Variants in SPPL3 observed in about 807,000 individuals in gnomAD.
The protein encoded by SPPL3 is signal peptide peptidase-like 3.
A neutral mutation model predicts 42.4 loss-of-function variants in SPPL3; 5 were observed. That is an observed-to-expected ratio of 0.12 (90% confidence interval 0.06 to 0.25). SPPL3 has a LOEUF of 0.25. SPPL3 is among the 10% of genes least tolerant of loss of function. SPPL3 has a pLI of 1.00. For missense variants in SPPL3, 235 were observed against 489.0 expected (o/e 0.48, Z 4.90); for synonymous variants, 195 against 181.8 (o/e 1.07, Z -0.58).
intron 1 of SPPL3, among the ~76,000 whole-genome samples, chr12:120,849,957 T>C (rs565341191): frequency 1.6e-4 from 25 of 152,014 alleles, no homozygotes; most frequent in Admixed American, 7.2e-4. Flanking sequence ...CCTAACAGAG[T>C]GTGTAGATAC....
chr12:120,888,682 G>A (rs1873540316), intron 1 of SPPL3, among the ~76,000 whole-genome samples: 1 of 152,192 alleles, frequency 6.6e-6, no homozygotes, highest in African/African-American at 2.4e-5. Context: ...AATATGTACA[G>A]TTTCTTTTGG....
intron 2 of SPPL3, among the ~76,000 whole-genome samples, chr12:120,797,083 C>G (rs1350013952): frequency 6.6e-6 from 1 of 152,140 alleles, no homozygotes; most frequent in East Asian, 1.9e-4. Flanking sequence ...GGCAGAATTT[C>G]TTGAACCCGG....
At chr12:120,811,036 A>C in intron 1 of SPPL3, 150 bp from the exon 2 acceptor site, 1 of 512,054 alleles carries the variant, frequency 2.0e-6, no homozygotes, top group Non-Finnish European at 3.4e-6. Flanking sequence ...AAATAACACA[A>C]TTAAAATGAG....
intron 3 of SPPL3, among the ~76,000 whole-genome samples, chr12:120,789,000 C>T (rs529817830): frequency 1.3e-5 from 2 of 152,262 alleles, no homozygotes; most frequent in South Asian, 4.2e-4. Flanking sequence ...TACTGGTCGG[C>T]CGTCTTTGTA....
chr12:120,782,961 G>A (rs1485827193), intron 5 of SPPL3, among the ~76,000 whole-genome samples, 194 bp from the exon 6 acceptor site: 1 of 152,194 alleles, frequency 6.6e-6, no homozygotes. Context: ...AACTGATAAT[G>A]TCTTTTTGGG....
At chr12:120,853,139 C>T (rs988842468) in intron 1 of SPPL3, among the ~76,000 whole-genome samples, 2 of 151,764 alleles carry the variant, frequency 1.3e-5, no homozygotes, top group African/African-American at 2.4e-5. Flanking sequence ...TCAGGTGATC[C>T]GCCCGCCTCA....
intron 2 of SPPL3, among the ~76,000 whole-genome samples, chr12:120,793,208 A>G (rs1025707163): frequency 6.6e-6 from 1 of 152,212 alleles, no homozygotes; most frequent in African/African-American, 2.4e-5. Context: ...GGGAAATACA[A>G]GTCAAAACCA....
At chr12:120,841,391 TTTTC>T in intron 1 of SPPL3, among the ~76,000 whole-genome samples, 1 of 151,618 alleles carries the variant, frequency 6.6e-6, no homozygotes, top group South Asian at 2.1e-4. Flanking sequence ...TATTCATCAG[TTTTC>T]TTTGCTAGTG....
intron 6 of SPPL3, among the ~76,000 whole-genome samples, chr12:120,774,986 A>G (rs369890234): frequency 3.0e-4 from 46 of 152,236 alleles, no homozygotes; most frequent in African/African-American, 1.1e-3. Context: ...TGTCTTCTAC[A>G]ACCAGTGAGT....
At chr12:120,855,230 T>G (rs2137037610) in intron 1 of SPPL3, among the ~76,000 whole-genome samples, 1 of 152,312 alleles carries the variant, frequency 6.6e-6, no homozygotes, top group South Asian at 2.1e-4. Context: ...ACAGATTCCA[T>G]ATAGCACAAA....
At chr12:120,841,428 TTA>T (rs3050430) in intron 1 of SPPL3, among the ~76,000 whole-genome samples, 3 of 149,570 alleles carry the variant, frequency 2.0e-5, no homozygotes, top group South Asian at 2.1e-4. Flanking sequence ...AAAAAAATAG[TTA>T]TATATATATA....
At chr12:120,839,990 G>C (rs1374978048) in intron 1 of SPPL3, among the ~76,000 whole-genome samples, 1 of 152,078 alleles carries the variant, frequency 6.6e-6, no homozygotes, top group African/African-American at 2.4e-5. Context: ...ATAAAAAGGA[G>C]TAAAATATGG....
intron 1 of SPPL3, among the ~76,000 whole-genome samples, chr12:120,864,124 G>C (rs1872693967): frequency 6.6e-6 from 1 of 152,126 alleles, no homozygotes. Context: ...TCATGCACTG[G>C]TAAGTTAATA....
chr12:120,798,431 G>T (rs1870179023), intron 2 of SPPL3, among the ~76,000 whole-genome samples: 1 of 152,182 alleles, frequency 6.6e-6, no homozygotes, highest in Admixed American at 6.5e-5. Flanking sequence ...ACTAGATGTA[G>T]TATTTTGCAT....
intron 9 of SPPL3, among the ~76,000 whole-genome samples, chr12:120,766,945 T>A (rs1868932092): frequency 1.3e-5 from 2 of 152,228 alleles, no homozygotes; most frequent in Admixed American, 1.3e-4. Context: ...GGCAGGTTAC[T>A]GCTTTTCCCA....
At chr12:120,884,189 C>T (rs950975546) in intron 1 of SPPL3, among the ~76,000 whole-genome samples, 6 of 151,586 alleles carry the variant, frequency 4.0e-5, no homozygotes, top group Non-Finnish European at 7.4e-5. Context: ...AGTGGTTACA[C>T]CTAAACGGGG....
intron 1 of SPPL3, among the ~76,000 whole-genome samples, chr12:120,845,982 C>A (rs1004076402): frequency 7.2e-5 from 11 of 152,090 alleles, no homozygotes; most frequent in Non-Finnish European, 1.5e-4. Flanking sequence ...CTGCAAGCCT[C>A]CGCCTCCCGG....
At chr12:120,840,936 T>TTTCATTCA (rs3050429) in intron 1 of SPPL3, among the ~76,000 whole-genome samples, 134 of 151,156 alleles carry the variant, frequency 8.9e-4, no homozygotes, top group East Asian at 1.4e-3. Flanking sequence ...TGAGACTCCA[T>TTTCATTCA]TTCATTCATT....
chr12:120,779,638 G>C (rs1869451554), intron 6 of SPPL3, among the ~76,000 whole-genome samples: 1 of 151,926 alleles, frequency 6.6e-6, no homozygotes, highest in Non-Finnish European at 1.5e-5. Context: ...AAAATTTTTT[G>C]AGATTACAAA....
Sources: allele counts gnomAD v4.1 joint callset (sites outside exome capture counted in the v4.1 genomes callset), GRCh38; gene constraint gnomAD v4.1.1; transcripts MANE v1.5; gene names NCBI Gene and HGNC (gene_info 2026-07-23, HGNC 2026-07-21).